Variants in TPTE observed in about 807,000 individuals in gnomAD.
TPTE encodes the protein putative tyrosine-protein phosphatase TPTE.
A neutral mutation model predicts 84.1 loss-of-function variants in TPTE; 59 were observed. The ratio of observed to expected loss-of-function variants is 0.70; its 90% CI spans 0.57 to 0.87. The LOEUF is 0.87. Among genes scored for constraint, TPTE ranks in the 40% least tolerant of loss-of-function variants. The pLI, the probability that TPTE is intolerant of heterozygous loss-of-function variation, is 0.00. For missense variants in TPTE, 382 were observed against 659.6 expected (o/e 0.58, Z 4.61); for synonymous variants, 130 against 223.5 (o/e 0.58, Z 3.73).
intron 3 of TPTE, among the ~76,000 whole-genome samples, chr21:10,536,567 C>G (rs1245758665): frequency 2.0e-5 from 3 of 152,308 alleles, no homozygotes; most frequent in Admixed American, 1.3e-4. Context: ...CACACAAACA[C>G]AGGGAGAGAG....
intron 8 of TPTE, among the ~76,000 whole-genome samples, chr21:10,557,641 G>C (rs890570655): frequency 1.3e-5 from 2 of 152,310 alleles, no homozygotes; most frequent in Admixed American, 1.3e-4. Flanking sequence ...CCAAGCCTGG[G>C]TGGAGGTGGT....
chr21:10,552,995 AAAAC>A (rs1357701983), intron 8 of TPTE, among the ~76,000 whole-genome samples: 3 of 152,310 alleles, frequency 2.0e-5, no homozygotes, highest in Non-Finnish European at 4.4e-5. Context: ...TTTTTTTAAA[AAAAC>A]AGGAATGCAG....
At chr21:10,548,781 A>G (rs1462067429) in intron 7 of TPTE, among the ~76,000 whole-genome samples, 1 of 152,306 alleles carries the variant, frequency 6.6e-6, no homozygotes, top group African/African-American at 2.4e-5. Context: ...CATACCAGTT[A>G]TGGGAAACAG....
chr21:10,547,299 A>G (rs569445026), intron 7 of TPTE, among the ~76,000 whole-genome samples: 22 of 152,422 alleles, frequency 1.4e-4, no homozygotes, highest in African/African-American at 5.3e-4. Flanking sequence ...GAGTGCAGCA[A>G]AGGAGTGGAG....
intron 21 of TPTE, among the ~76,000 whole-genome samples, chr21:10,599,772 C>T (rs200956032): frequency 0.036 from 5,041 of 139,286 alleles, no homozygotes; most frequent in East Asian, 0.11. Flanking sequence ...TGGGTCATCC[C>T]TTTTGGCTCT....
chr21:10,591,697 T>C (rs1247029530), intron 18 of TPTE, among the ~76,000 whole-genome samples: 4 of 152,312 alleles, frequency 2.6e-5, no homozygotes, highest in African/African-American at 9.6e-5. Context: ...CTGCAGCATC[T>C]CCTTGGCAGG....
intron 9 of TPTE, among the ~76,000 whole-genome samples, chr21:10,560,496 C>G (rs1449654187): frequency 2.0e-5 from 3 of 152,306 alleles, no homozygotes; most frequent in African/African-American, 7.2e-5. Flanking sequence ...GTTCAAGACT[C>G]ATGTGCCCAT....
intron 8 of TPTE, among the ~76,000 whole-genome samples, chr21:10,554,486 A>G (rs1471277518): frequency 6.6e-6 from 1 of 152,312 alleles, no homozygotes; most frequent in African/African-American, 2.4e-5. Context: ...TGATATTAGT[A>G]AATATATTTG....
intron 10 of TPTE, among the ~76,000 whole-genome samples, chr21:10,561,925 G>T: frequency 6.6e-6 from 1 of 152,298 alleles, no homozygotes; most frequent in East Asian, 1.9e-4. Flanking sequence ...AGCAGGTCTT[G>T]GGCAAGACCC....
At chr21:10,558,408 G>T (rs1270194278) in intron 8 of TPTE, among the ~76,000 whole-genome samples, 7 of 152,300 alleles carry the variant, frequency 4.6e-5, no homozygotes, top group Non-Finnish European at 8.8e-5. Flanking sequence ...AACCTTGCCC[G>T]CATCTGTTAT....
At chr21:10,586,739 A>C (rs1392221450) in intron 17 of TPTE, among the ~76,000 whole-genome samples, 4 of 152,294 alleles carry the variant, frequency 2.6e-5, no homozygotes, top group Admixed American at 2.6e-4. Context: ...TGATTTAGCT[A>C]TTAATTTTTG....
At chr21:10,598,887 C>G (rs1183537428) in intron 21 of TPTE, among the ~76,000 whole-genome samples, 2 of 152,422 alleles carry the variant, frequency 1.3e-5, no homozygotes, top group Non-Finnish European at 2.9e-5. Flanking sequence ...CTTTTTTGGC[C>G]TCTCCCGACT....
At chr21:10,589,164 T>G (rs374049490) in intron 17 of TPTE, among the ~76,000 whole-genome samples, 778 of 150,134 alleles carry the variant, frequency 5.2e-3, no homozygotes, top group African/African-American at 0.018. Flanking sequence ...TCTTTTTCTT[T>G]CCTTTCCTAT....
intron 9 of TPTE, 81 bp from the exon 10 acceptor site, chr21:10,560,949 C>A (rs2074787655): frequency 6.6e-7 from 1 of 1,507,872 alleles, no homozygotes; most frequent in African/African-American, 1.4e-5. Context: ...TGATCAGTGG[C>A]TTAAATATAG....
At chr21:10,574,863 G>A (rs1435675966) in intron 14 of TPTE, among the ~76,000 whole-genome samples, 1 of 152,308 alleles carries the variant, frequency 6.6e-6, no homozygotes, top group Non-Finnish European at 1.5e-5. Flanking sequence ...ATGGAGTCTG[G>A]GCACATCAGC....
intron 10 of TPTE, among the ~76,000 whole-genome samples, chr21:10,565,719 C>G (rs2074906673): frequency 1.3e-5 from 2 of 152,304 alleles, no homozygotes; most frequent in African/African-American, 4.8e-5. Context: ...TTACAGTGAA[C>G]TCATTTTTCA....
At chr21:10,559,872 T>TAAAAAAAAAA (rs61583687) in intron 9 of TPTE, among the ~76,000 whole-genome samples, 2 of 117,084 alleles carry the variant, frequency 1.7e-5, no homozygotes, top group African/African-American at 6.0e-5. Context: ...AGACTCCATG[T>TAAAAAAAAAA]AAAAAAAAAA....
At chr21:10,560,421 G>T (rs1043991710) in intron 9 of TPTE, among the ~76,000 whole-genome samples, 2 of 152,304 alleles carry the variant, frequency 1.3e-5, no homozygotes, top group Non-Finnish European at 2.9e-5. Flanking sequence ...TAGGCAAATA[G>T]TCTAATCAAT....
At chr21:10,536,090 C>G (rs1200547054) in intron 3 of TPTE, among the ~76,000 whole-genome samples, 2 of 152,312 alleles carry the variant, frequency 1.3e-5, no homozygotes, top group African/African-American at 4.8e-5. Context: ...CCAGCCTGAC[C>G]AACATGGCAA....
Sources: gnomAD v4.1 joint callset for allele counts (sites outside exome capture counted in the v4.1 genomes callset) on GRCh38, gnomAD v4.1.1 for gene constraint, MANE v1.5 for transcripts, NCBI Gene and HGNC (gene_info 2026-07-23, HGNC 2026-07-21) for gene names.